The following UBR3 variants were observed in gnomAD, a reference collection of about 807,000 sequenced individuals.
UBR3 encodes the protein ubiquitin protein ligase E3 component n-recognin 3, also known as E3 ubiquitin-protein ligase UBR3.
A neutral mutation model predicts 243.2 loss-of-function variants in UBR3; 85 were observed. The observed-to-expected ratio is 0.35, with a 90% CI of 0.29 to 0.42. UBR3 has a LOEUF of 0.42. Among genes scored for constraint, UBR3 ranks in the 10% least tolerant of loss-of-function variants. UBR3 has a pLI of 1.00. For missense variants in UBR3, 1,686 were observed against 2,300.8 expected (o/e 0.73, Z 5.47); for synonymous variants, 748 against 799.8 (o/e 0.94, Z 1.09).
At chr2:169,883,240 T>C (rs146553651) in intron 5 of UBR3, among the ~76,000 whole-genome samples, 2 of 152,098 alleles carry the variant, frequency 1.3e-5, no homozygotes, top group Admixed American at 6.6e-5. Flanking sequence ...GGCTCACTCA[T>C]AGGGCTGATA....
chr2:169,896,470 CTAA>C (rs1346542921), intron 7 of UBR3, 34 bp from the exon 8 acceptor site: 6 of 1,272,546 alleles, frequency 4.7e-6, no homozygotes, highest in Non-Finnish European at 6.4e-6. Context: ...AAAATTAAAA[CTAA>C]TGTGTTTTTT....
At position 170,009,050 on chromosome 2, in the gene UBR3, G is replaced by T. The variant is rs1282555149; in HGVS notation, c.4367+110G>T. On this transcript the variant is annotated intron_variant, in intron 29 of 38. Coordinates refer to ENST00000272793, the MANE Select transcript of UBR3 (RefSeq NM_172070.4). Reference sequence around the variant, plus strand: ...TAAAGGATGCATATTTTTAATATCAGTTGAAATTATGGCTAGTTTTAGTGC... The same window carrying T: ...TAAAGGATGCATATTTTTAATATCATTTGAAATTATGGCTAGTTTTAGTGC... 6 of 733,218 alleles carry T rather than the reference G, an allele frequency of 8.2e-6. No individual in the cohort carries two copies. The Admixed American group carries it at 2.4e-4, about 30-fold the overall frequency. The allele number at this position is 733,218 out of a possible 1,614,324, so 45.4% of individuals were successfully genotyped here.
chr2:169,878,950 G>A (rs1250018958), intron 5 of UBR3, among the ~76,000 whole-genome samples: 1 of 151,914 alleles, frequency 6.6e-6, no homozygotes, highest in Non-Finnish European at 1.5e-5. Flanking sequence ...GCTAAGTTTA[G>A]GATAATTTAT....
chr2:169,925,778 T>C (rs1033967762), intron 14 of UBR3, 31 bp downstream of exon 14: 6 of 1,514,896 alleles, frequency 4.0e-6, no homozygotes, highest in Non-Finnish European at 5.3e-6. Flanking sequence ...AGATATACTT[T>C]AGAAGTGTCT....
intron 25 of UBR3, among the ~76,000 whole-genome samples, chr2:169,989,381 T>A (rs1277738557): frequency 1.3e-5 from 2 of 152,138 alleles, no homozygotes; most frequent in Non-Finnish European, 2.9e-5. Flanking sequence ...CTTTACCCCC[T>A]CCTCCCATCA....
At chr2:169,954,099 G>C (rs1260182139) in intron 23 of UBR3, among the ~76,000 whole-genome samples, 1 of 152,152 alleles carries the variant, frequency 6.6e-6, no homozygotes, top group Non-Finnish European at 1.5e-5. Flanking sequence ...AGAATTAGCA[G>C]ATTGATAGTG....
At chr2:169,831,516 C>T in intron 1 of UBR3, among the ~76,000 whole-genome samples, 1 of 152,044 alleles carries the variant, frequency 6.6e-6, no homozygotes, top group Admixed American at 6.6e-5. Flanking sequence ...CTGTATGTGT[C>T]AGCAGTTGCC....
At chr2:170,078,356 G>A (rs2091852856) in intron 36 of UBR3, 2 of 265,728 alleles carry the variant, frequency 7.5e-6, no homozygotes, top group South Asian at 8.2e-5. Flanking sequence ...AGAGACCCAC[G>A]AGTGAACTCC....
intron 18 of UBR3, among the ~76,000 whole-genome samples, chr2:169,930,422 T>A (rs1045803990): frequency 5.3e-5 from 8 of 152,228 alleles, no homozygotes; most frequent in African/African-American, 1.9e-4. Context: ...AGCCTCACTT[T>A]GTCGCTCAGG....
At chr2:169,952,437 T>C (rs1478273256) in intron 23 of UBR3, among the ~76,000 whole-genome samples, 3 of 152,196 alleles carry the variant, frequency 2.0e-5, no homozygotes, top group Admixed American at 6.5e-5. Flanking sequence ...ACATCTCTGA[T>C]GTAATTAAAA....
chr2:170,045,380 C>T, intron 32 of UBR3, among the ~76,000 whole-genome samples: 1 of 149,744 alleles, frequency 6.7e-6, no homozygotes, highest in East Asian at 1.9e-4. Flanking sequence ...GGTGGGGAGA[C>T]AATCAGACTG....
chr2:169,902,832 A>T lies in UBR3; in HGVS notation c.1466-2282A>T, dbSNP rs548554035. On this transcript the variant is annotated intron_variant, in intron 8 of 38. Transcript: ENST00000272793. The stretch of plus-strand genomic sequence containing the variant: ...ACCATGTTGGCGAGGCTGGTCTCGA[A>T]CTCCTGACTTCAGGTGATTCGCCCA... Among the ~76,000 whole-genome samples the T allele has an allele frequency of 2.0e-4, 30 of 152,142 alleles. No individual in the cohort carries two copies. In the South Asian group the frequency reaches 6.2e-3, roughly 32 times the overall value.
rs191374018 is a variant in UBR3 at position 169,862,228 on chromosome 2, G to A, written c.546-10008G>A. Among the ~76,000 whole-genome samples, 20 of 151,276 alleles carry A rather than the reference G, an allele frequency of 1.3e-4. No homozygotes were observed. In the East Asian group the frequency reaches 3.7e-3, roughly 28 times the overall value. ...AGTTTTCATAAATTTTTTTTTTCTG[G>A]TACCTTAGGGCCCACTAAATAGTAC... On this transcript the variant is annotated intron_variant, in intron 1 of 38. Transcript: ENST00000272793.
chr2:169,927,534 C>T (rs958268386), intron 17 of UBR3, 129 bp downstream of exon 17: 3 of 705,488 alleles, frequency 4.3e-6, no homozygotes, highest in Admixed American at 3.3e-5. Flanking sequence ...AAAAGAAGAA[C>T]ACCAGTTGTG....
At chr2:169,838,387 T>TTGTGTGTG (rs544974959) in intron 1 of UBR3, among the ~76,000 whole-genome samples, 117 of 114,468 alleles carry the variant, frequency 1.0e-3, no homozygotes, top group Non-Finnish European at 1.2e-3. Context: ...ATTAAGGCAT[T>TTGTGTGTG]TGTGTGTGTG....
intron 5 of UBR3, among the ~76,000 whole-genome samples, chr2:169,890,536 G>GATATATATATATATATATATATATAT (rs1396382870): frequency 1.9e-5 from 1 of 53,654 alleles, no homozygotes; most frequent in African/African-American, 8.4e-5. Flanking sequence ...GAGAGAGAGA[G>GATATATATATATATATATATATATAT]AGAGATATAT....
intron 35 of UBR3, among the ~76,000 whole-genome samples, chr2:170,069,571 C>A (rs982563863): frequency 2.6e-5 from 4 of 151,934 alleles, no homozygotes; most frequent in African/African-American, 9.7e-5. Flanking sequence ...AGTTTGTACC[C>A]TTTGGCCAAC....
intron 1 of UBR3, among the ~76,000 whole-genome samples, chr2:169,846,315 C>T (rs1480621504): frequency 6.6e-6 from 1 of 152,098 alleles, no homozygotes; most frequent in Non-Finnish European, 1.5e-5. Flanking sequence ...CCTTTTTATT[C>T]CTGGCAATAT....
At chr2:169,956,249 TAG>T (rs2087286681) in intron 23 of UBR3, among the ~76,000 whole-genome samples, 2 of 112,248 alleles carry the variant, frequency 1.8e-5, no homozygotes, top group Non-Finnish European at 3.6e-5. Context: ...TCTATCTGGA[TAG>T]ATATATTTAA....
Sources: gnomAD v4.1 joint callset for allele counts (sites outside exome capture counted in the v4.1 genomes callset) on GRCh38, gnomAD v4.1.1 for gene constraint, MANE v1.5 for transcripts, NCBI Gene and HGNC (gene_info 2026-07-23, HGNC 2026-07-21) for gene names.